Variants in TMEM135 observed in about 807,000 individuals in gnomAD.
TMEM135 encodes peroxisomal membrane protein 52.
TMEM135 carries 30 observed loss-of-function variants against 60.3 expected under a neutral mutation model. That is an observed-to-expected ratio of 0.50 (90% CI 0.37 to 0.68). The LOEUF (loss-of-function observed/expected upper bound fraction) is 0.68. TMEM135 is among the 30% of genes least tolerant of loss of function. The pLI, the probability that TMEM135 is intolerant of heterozygous loss-of-function variation, is 0.00. For missense variants in TMEM135, 468 were observed against 548.8 expected (o/e 0.85, Z 1.47); for synonymous variants, 190 against 186.7 (o/e 1.02, Z -0.14).
intron 6 of TMEM135, among the ~76,000 whole-genome samples, 153 bp downstream of exon 6, chr11:87,236,837 A>G (rs1479888745): frequency 3.3e-4 from 50 of 151,480 alleles, no homozygotes; most frequent in African/African-American, 4.8e-5. Context: ...GAGGTAAATC[A>G]TTGCTCCTTT....
chr11:87,309,442 C>T lies in TMEM135; in HGVS notation c.769-63C>T, dbSNP rs537007709. 6.4e-5 allele frequency: 99 copies of T among 1,547,414 alleles called. No individual in the cohort carries two copies. In the Middle Eastern group the frequency reaches 6.8e-4, roughly 11 times the overall value. On this transcript the variant is annotated intron_variant, in intron 9 of 14. Transcript: ENST00000305494. ...GTTTCTATTTTGAGATGGTAAAATT[C>T]GTATTCTATCAAAAACTTCAAAATT...
chr11:87,302,476 TG>T, intron 8 of TMEM135, 34 bp downstream of exon 8: 1 of 1,613,056 alleles, frequency 6.2e-7, no homozygotes, highest in Middle Eastern at 1.7e-4. Context: ...TAACCTGCTT[TG>T]TCACTGTTTC....
At chr11:87,171,166 A>G (rs1232278886) in intron 5 of TMEM135, among the ~76,000 whole-genome samples, 2 of 152,146 alleles carry the variant, frequency 1.3e-5, no homozygotes, top group Admixed American at 6.5e-5. Context: ...CTAAAAGGAA[A>G]GCAGGGTGGG....
chr11:87,051,572 A>G lies in TMEM135; in HGVS notation c.141+13386A>G, dbSNP rs1292278284. On this transcript the variant is annotated intron_variant, in intron 1 of 14. Coordinates refer to ENST00000305494, the MANE Select transcript of TMEM135 (RefSeq NM_022918.4). ...GAACTCCCATTCACAATTGCTTCAAAGAGAATAAAATACCTAGGAATCCAA... is the reference window on the plus strand; with the variant it reads ...GAACTCCCATTCACAATTGCTTCAAGGAGAATAAAATACCTAGGAATCCAA... Among the ~76,000 whole-genome samples the G allele has an allele frequency of 1.2e-4, 8 of 65,110 alleles. 3 individuals are homozygous for G. The highest frequency in any genetic ancestry group is 2.8e-4 in the African/African-American group (2 of 7,026). 42.7% of individuals were successfully genotyped at this position (65,110 alleles called of 152,430 possible).
chr11:87,180,348 C>CT (rs1433659059), intron 5 of TMEM135, among the ~76,000 whole-genome samples: 1 of 152,086 alleles, frequency 6.6e-6, no homozygotes, highest in Non-Finnish European at 1.5e-5. Context: ...TTAGTTTTTG[C>CT]TTTTTTCCCC....
intron 4 of TMEM135, chr11:87,096,685 T>G (rs1350488649): frequency 6.6e-6 from 1 of 152,210 alleles, no homozygotes; most frequent in Non-Finnish European, 1.5e-5. Context: ...TACAAAGTTA[T>G]GTTGCATTTA....
intron 4 of TMEM135, among the ~76,000 whole-genome samples, chr11:87,137,809 C>G (rs537703444): frequency 2.6e-5 from 4 of 152,126 alleles, no homozygotes; most frequent in African/African-American, 9.6e-5. Flanking sequence ...TATGTTGTTA[C>G]GTCATGTCAC....
At chr11:87,276,439 G>T (rs1281355736) in intron 6 of TMEM135, among the ~76,000 whole-genome samples, 2 of 151,748 alleles carry the variant, frequency 1.3e-5, no homozygotes, top group African/African-American at 4.8e-5. Context: ...CTCTGATCAG[G>T]TCTTCTTACT....
At chr11:87,272,844 T>G (rs1941895968) in intron 6 of TMEM135, among the ~76,000 whole-genome samples, 1 of 152,206 alleles carries the variant, frequency 6.6e-6, no homozygotes, top group Non-Finnish European at 1.5e-5. Context: ...ATGTCTCTTT[T>G]GAGGATTTTT....
At chr11:87,187,498 G>C (rs943717242) in intron 5 of TMEM135, among the ~76,000 whole-genome samples, 6 of 152,124 alleles carry the variant, frequency 3.9e-5, no homozygotes, top group Non-Finnish European at 8.8e-5. Context: ...TGGGGATCTT[G>C]CAGATCTTGA....
At chr11:87,073,012 A>G (rs184089770) in intron 3 of TMEM135, among the ~76,000 whole-genome samples, 1 of 152,190 alleles carries the variant, frequency 6.6e-6, no homozygotes, top group East Asian at 1.9e-4. Context: ...CAAATATTAA[A>G]CTACTGGAAG....
chr11:87,283,986 C>CT (rs1342762619), intron 6 of TMEM135, among the ~76,000 whole-genome samples: 1 of 152,112 alleles, frequency 6.6e-6, no homozygotes, highest in Non-Finnish European at 1.5e-5. Flanking sequence ...GTCTTGAGGT[C>CT]TTTAAAAAAT....
chr11:87,102,704 GTA>G (rs150671908), intron 4 of TMEM135, among the ~76,000 whole-genome samples: 23,096 of 131,516 alleles, frequency 0.18, 1,930 homozygotes, highest in African/African-American at 0.23. Context: ...ATATATATAT[GTA>G]TATATATGTA....
chr11:87,276,508 A>G (rs1941968247), intron 6 of TMEM135, among the ~76,000 whole-genome samples: 2 of 149,682 alleles, frequency 1.3e-5, no homozygotes, highest in Non-Finnish European at 3.0e-5. Context: ...AAAAGTTTAT[A>G]TATATATATA....
chr11:87,301,785 T>C (rs778243461), intron 7 of TMEM135, among the ~76,000 whole-genome samples: 3 of 152,206 alleles, frequency 2.0e-5, no homozygotes, highest in Non-Finnish European at 4.4e-5. Flanking sequence ...TGGAAAAATA[T>C]AATCTAGTTT....
At chr11:87,143,215 T>G (rs1187975418) in intron 4 of TMEM135, among the ~76,000 whole-genome samples, 2 of 152,128 alleles carry the variant, frequency 1.3e-5, no homozygotes, top group Admixed American at 1.3e-4. Context: ...ATCCATCTAT[T>G]AAATAACATA....
At position 87,243,868 on chromosome 11, in the gene TMEM135, C is replaced by A. The variant is rs1303828367; in HGVS notation, c.509+7184C>A. On this transcript the variant is annotated intron_variant, in intron 6 of 14. Transcript: ENST00000305494. Reference sequence around the variant, plus strand: ...TCATTCTCCTGCCTAATTGCCCTGGCCAGAACTTCCAACACTATGTTGAAT... The same window carrying A: ...TCATTCTCCTGCCTAATTGCCCTGGACAGAACTTCCAACACTATGTTGAAT... Among the ~76,000 whole-genome samples the A allele has an allele frequency of 2.5e-5, 2 of 79,054 alleles. 1 individual carries two copies. The highest frequency in any genetic ancestry group is 9.6e-5 in the African/African-American group (2 of 20,864). 51.9% of individuals were successfully genotyped at this position (79,054 alleles called of 152,430 possible). A position where few individuals can be genotyped will look rare whatever the true frequency, so the allele number is the denominator to read the frequency against.
Position 87,324,718 on chromosome 11 carries a change from A to T in TMEM135, c.*3385A>T. 1 of 453,906 alleles carries T rather than the reference A, an allele frequency of 2.2e-6. No individual in the cohort carries two copies. Among genetic ancestry groups the T allele is most frequent in the South Asian group, 1.6e-5 (1 of 64,458 alleles). The allele number at this position is 453,906 out of a possible 1,614,324, so 28.1% of individuals were successfully genotyped here. On this transcript the variant is annotated 3_prime_UTR_variant, in exon 15 of 15. Coordinates refer to ENST00000305494, the MANE Select transcript of TMEM135 (RefSeq NM_022918.4). ...GACTCTGGGATTCCAGGTGTGAGCCACGGTACCTAGCCATATTTTTATTTG... is the reference window on the plus strand; with the variant it reads ...GACTCTGGGATTCCAGGTGTGAGCCTCGGTACCTAGCCATATTTTTATTTG...
chr11:87,122,552 C>T (rs1937620736), intron 4 of TMEM135, among the ~76,000 whole-genome samples: 1 of 151,698 alleles, frequency 6.6e-6, no homozygotes, highest in Non-Finnish European at 1.5e-5. Context: ...CCACCACTTT[C>T]CAGGTTCAAG....
Sources: allele counts gnomAD v4.1 joint callset (sites outside exome capture counted in the v4.1 genomes callset), GRCh38; gene constraint gnomAD v4.1.1; transcripts MANE v1.5; gene names NCBI Gene and HGNC (gene_info 2026-07-23, HGNC 2026-07-21).